The following SCHIP1 variants were observed in gnomAD, a reference collection of about 807,000 sequenced individuals.
The protein encoded by SCHIP1 is schwannomin interacting protein 1.
A neutral mutation model predicts 29.7 loss-of-function variants in SCHIP1; 8 were observed. That is an observed-to-expected ratio of 0.27 (90% CI 0.16 to 0.49). SCHIP1 has a LOEUF of 0.49. Among genes scored for constraint, SCHIP1 ranks in the 20% least tolerant of loss-of-function variants. The probability of loss-of-function intolerance (pLI) is 0.99; values close to 1 mark genes in which losing one functional copy is unlikely to be tolerated. For missense variants in SCHIP1, 193 were observed against 294.6 expected, an observed-to-expected ratio of 0.66 and a Z score of 2.52; for synonymous variants, 76 against 94.9, an observed-to-expected ratio of 0.80 and a Z score of 1.16.
the SCHIP1 span, among the ~76,000 whole-genome samples, chr3:159,301,857 C>T: frequency 5.3e-5 from 8 of 152,178 alleles, no homozygotes; most frequent in East Asian, 1.9e-4. Flanking sequence ...AATAGGAGAA[C>T]GGACTAATAC....
At chr3:159,888,708 A>G in intron 4 of SCHIP1, 112 bp from the exon 6 acceptor site, 1 of 1,470,512 alleles carries the variant, frequency 6.8e-7, no homozygotes. Context: ...GCTTTTAATC[A>G]CTGAATTGCA....
chr3:159,816,293 G>A, the SCHIP1 span, among the ~76,000 whole-genome samples: 1 of 151,600 alleles, frequency 6.6e-6, no homozygotes, highest in Non-Finnish European at 1.5e-5. Context: ...CCATTTTTGA[G>A]ATGGATCTTG....
At chr3:159,764,772 C>T in the SCHIP1 span, 2 of 1,565,172 alleles carry the variant, frequency 1.3e-6, no homozygotes, top group Non-Finnish European at 1.7e-6. The surrounding 1 kb of genome is among the most constrained non-coding windows in gnomAD (Gnocchi z 6.1). Context: ...GGACCCGCAG[C>T]GGCGGCGGCG....
the SCHIP1 span, among the ~76,000 whole-genome samples, chr3:159,748,241 G>T: frequency 6.6e-6 from 1 of 152,052 alleles, no homozygotes; most frequent in Non-Finnish European, 1.5e-5. Flanking sequence ...CAATTTCAGA[G>T]ATATCAAAAT....
At chr3:159,468,436 T>G in the SCHIP1 span, among the ~76,000 whole-genome samples, 1 of 152,004 alleles carries the variant, frequency 6.6e-6, no homozygotes, top group Non-Finnish European at 1.5e-5. Flanking sequence ...CTATATGACA[T>G]GCAACCATTC....
At chr3:159,669,709 T>C in the SCHIP1 span, among the ~76,000 whole-genome samples, 2 of 152,228 alleles carry the variant, frequency 1.3e-5, no homozygotes, top group Non-Finnish European at 2.9e-5. Flanking sequence ...AGCAAAACTT[T>C]CCTAGATGGA....
At chr3:159,477,949 G>C in the SCHIP1 span, among the ~76,000 whole-genome samples, 1 of 109,238 alleles carries the variant, frequency 9.2e-6, no homozygotes, top group African/African-American at 3.6e-5. Context: ...TTTTGAGATA[G>C]AATCTCACTG....
At chr3:159,523,217 G>GA in the SCHIP1 span, among the ~76,000 whole-genome samples, 17 of 152,134 alleles carry the variant, frequency 1.1e-4, no homozygotes, top group African/African-American at 3.9e-4. Flanking sequence ...TATCACACTG[G>GA]AAAAAACTAA....
At chr3:159,533,543 A>G in the SCHIP1 span, among the ~76,000 whole-genome samples, 1 of 152,178 alleles carries the variant, frequency 6.6e-6, no homozygotes, top group African/African-American at 2.4e-5. Flanking sequence ...AAGCTTTTCA[A>G]ATTCATAACT....
chr3:159,283,444 T>A, the SCHIP1 span, among the ~76,000 whole-genome samples: 2 of 151,850 alleles, frequency 1.3e-5, no homozygotes, highest in South Asian at 2.1e-4. Flanking sequence ...GCGTGAACCA[T>A]CATGCCCGGC....
At chr3:159,807,214 G>A in the SCHIP1 span, among the ~76,000 whole-genome samples, 1 of 152,200 alleles carries the variant, frequency 6.6e-6, no homozygotes, top group African/African-American at 2.4e-5. Flanking sequence ...CCACTTAAGA[G>A]TTGTAAGTCT....
the SCHIP1 span, among the ~76,000 whole-genome samples, chr3:159,790,456 G>A: frequency 2.0e-5 from 3 of 152,158 alleles, no homozygotes; most frequent in Admixed American, 6.5e-5. Context: ...TTTGAAAGGC[G>A]GGCGGATCAC....
the SCHIP1 span, among the ~76,000 whole-genome samples, chr3:159,427,142 A>C: frequency 1.3e-5 from 2 of 152,134 alleles, no homozygotes; most frequent in African/African-American, 4.8e-5. Flanking sequence ...AACTGGCACA[A>C]GACAGGATGC....
At chr3:159,743,549 T>A in the SCHIP1 span, among the ~76,000 whole-genome samples, 4 of 152,246 alleles carry the variant, frequency 2.6e-5, no homozygotes, top group Non-Finnish European at 4.4e-5. Flanking sequence ...AGAGAACAGA[T>A]TAATGGTTAC....
At chr3:159,328,184 T>C in the SCHIP1 span, among the ~76,000 whole-genome samples, 1 of 152,218 alleles carries the variant, frequency 6.6e-6, no homozygotes, top group Non-Finnish European at 1.5e-5. Flanking sequence ...TTTCTCAAGT[T>C]CTCAAGCCAC....
Position 159,878,819 on chromosome 3 carries a change from A to G in SCHIP1, c.150-7388A>G, listed in dbSNP as rs1716146902. 3.3e-5 allele frequency among the ~76,000 whole-genome samples: 5 copies of G among 150,168 alleles called. No homozygotes were observed. The South Asian group carries it at 1.0e-3, about 31-fold the overall frequency. ...AAAATAAAAAAATAAAAAAATAAAA[A>G]ATAAAAAATAAATAAAAATAAATAA... On this transcript the variant is annotated intron_variant, in intron 2 of 6. Transcript: ENST00000445224.
chr3:159,833,504 C>T, the SCHIP1 span, among the ~76,000 whole-genome samples: 1 of 152,230 alleles, frequency 6.6e-6, no homozygotes, highest in Non-Finnish European at 1.5e-5. Context: ...ATCTCAAAGA[C>T]AGCTGCTTAT....
the SCHIP1 span, among the ~76,000 whole-genome samples, chr3:159,740,771 G>GAAAAAA: frequency 1.2e-3 from 128 of 104,908 alleles, 11 homozygotes; most frequent in Middle Eastern, 6.8e-3. Flanking sequence ...CAAAAAAAAA[G>GAAAAAA]AAAAAAAAAA....
chr3:159,765,215 T>C, the SCHIP1 span: 2 of 1,428,032 alleles, frequency 1.4e-6, no homozygotes, highest in Non-Finnish European at 9.3e-7. Context: ...GCCCCCTCCC[T>C]GCGCTCCCGC....
Sources: gnomAD v4.1 joint callset for allele counts (sites outside exome capture counted in the v4.1 genomes callset) on GRCh38, gnomAD v4.1.1 for gene constraint, Gnocchi (gnomAD v3.1) non-coding constraint, MANE v1.5 for transcripts, NCBI Gene and HGNC (gene_info 2026-07-23, HGNC 2026-07-21) for gene names.